FBH1: variants seen among roughly 807,000 people sequenced by gnomAD.
FBH1 encodes the protein DNA 3'-5' helicase 1.
Under a neutral mutation model 115.5 loss-of-function variants are expected in FBH1, and 43 were observed. That is an observed-to-expected ratio of 0.37 (90% confidence interval 0.29 to 0.48). The LOEUF is 0.48. Ranked by LOEUF, FBH1 falls within the 20% of genes least tolerant of loss-of-function variation. FBH1 has a pLI of 0.99. For missense variants in FBH1, 1,001 were observed against 1,337.3 expected (o/e 0.75, Z 3.92); for synonymous variants, 524 against 507.8 (o/e 1.03, Z -0.43).
In FBH1 at chr10:5,936,766, C is replaced by T. The variant is rs967001156; in HGVS notation, c.2961+179C>T. On this transcript the variant is annotated intron_variant, in intron 20 of 20. Coordinates refer to ENST00000362091, the MANE Select transcript of FBH1 (RefSeq NM_178150.3). This position sits in a 1 kb window ranked among gnomAD's most constrained non-coding sequence, Gnocchi z 5.6. Reference sequence around the variant, plus strand: ...TGTCCCAGGGTCAGAGGTCAGGGCACGTGATGCTGCCTGGCTGTGCTGAAG... The same window carrying T: ...TGTCCCAGGGTCAGAGGTCAGGGCATGTGATGCTGCCTGGCTGTGCTGAAG... 1.9e-5 allele frequency: 15 copies of T among 772,538 alleles called. No homozygotes were observed. The highest frequency in any genetic ancestry group is 1.1e-4 in the Admixed American group (4 of 35,772). The allele number at this position is 772,538 out of a possible 1,614,324, so 47.9% of individuals were successfully genotyped here.
chr10:5,926,120 T>C (rs1832636998), intron 18 of FBH1, among the ~76,000 whole-genome samples: 1 of 68,224 alleles, frequency 1.5e-5, no homozygotes, highest in Non-Finnish European at 3.9e-5. Flanking sequence ...CTTATTCTTC[T>C]TATTATTATT....
intron 3 of FBH1, among the ~76,000 whole-genome samples, chr10:5,908,487 A>G (rs571781394): frequency 2.0e-5 from 3 of 152,226 alleles, no homozygotes; most frequent in African/African-American, 4.8e-5. Context: ...CTAGTTTCCA[A>G]CAAAAATTTG....
At chr10:5,927,339 A>C in intron 18 of FBH1, 96 bp from the exon 19 acceptor site, 7 of 800,114 alleles carry the variant, frequency 8.7e-6, no homozygotes, top group Non-Finnish European at 9.6e-6. Context: ...TCTGCGGGGA[A>C]TGGGTGGGGG....
Position 5,932,553 on chromosome 10 carries a change from G to A in FBH1, c.2830-3903G>A, listed in dbSNP as rs960870421. The stretch of plus-strand genomic sequence containing the variant: ...ACGCACTGTGATTTATGCCGTTCTC[G>A]CTCATGGACGTGGTCACTTCCAGCC... On this transcript the variant is annotated intron_variant, in intron 19 of 20. Coordinates refer to ENST00000362091, the MANE Select transcript of FBH1 (RefSeq NM_178150.3). The surrounding 1 kb of genome is among the most constrained non-coding windows in gnomAD (Gnocchi z 5.9). 1.3e-5 allele frequency among the ~76,000 whole-genome samples: 2 copies of A among 152,122 alleles called. 1 individual carries two copies. Among genetic ancestry groups the A allele is most frequent in the East Asian group, 3.9e-4 (2 of 5,186 alleles).
chr10:5,906,328 A>G lies in FBH1; in HGVS notation c.449A>G (p.His150Arg), dbSNP rs1843688632. 3 of 1,614,236 alleles carry G rather than the reference A, an allele frequency of 1.9e-6. No individual in the cohort carries two copies. The highest frequency in any genetic ancestry group is 2.5e-6 in the Non-Finnish European group (3 of 1,180,024). The part of the protein sequence containing the change: ...WDGVSKKAPR[H>R]HLSVPCTRPR... ...GGAGTTTCTAAGAAAGCTCCACGGC[A>G]CCATTTGTCTGTGCCATGCACAAGG... The change falls in exon 3 of 21, where the codon CAC (histidine) becomes CGC (arginine). Residue 150 changes from histidine (H) to arginine (R), a missense_variant. By Grantham distance (29) the His-to-Arg change is conservative. Around this residue, in one of 4 missense-constraint regions of FBH1, gnomAD observed 420 missense variants for 430.4 expected, o/e 0.98. Transcript: ENST00000362091. The surrounding 1 kb of genome is among the most constrained non-coding windows in gnomAD (Gnocchi z 7.3).
At chr10:5,890,232 TCGGGCTCCAGGTCC>T (rs1842614515) in exon 1 of FBH1, 1 of 355,812 alleles carries the variant, frequency 2.8e-6, no homozygotes, top group Non-Finnish European at 5.3e-6. Flanking sequence ...GGCGGGCGTC[TCGGGCTCCAGGTCC>T]CGGCCAGAGG....
rs1832724202 is a variant in FBH1, at chr10:5,927,503, A to G, written c.2791A>G (p.Met931Val). The change falls in exon 19 of 21, where the codon ATG (methionine) becomes GTG (valine). Residue 931 changes from methionine (M) to valine (V), a missense_variant. Coordinates refer to ENST00000362091, the MANE Select transcript of FBH1 (RefSeq NM_178150.3). ...AACTCGAGCCAAGAAGCGTCTCATC[A>G]TGACCAAATCATTGGAAAACATTTT... ...AVTRAKKRLI[M>V]TKSLENILTL... is the part of the protein sequence containing the mutation. The G allele has an allele frequency of 6.2e-7, 1 of 1,613,660 alleles. No individual in the cohort carries two copies. The highest frequency in any genetic ancestry group is 1.7e-5 in the Admixed American group (1 of 59,862).
chr10:5,916,473 C>T lies in FBH1; in HGVS notation c.1788+17C>T, dbSNP rs764166934. On this transcript the variant is annotated intron_variant, in intron 10 of 20. Coordinates refer to ENST00000362091, the MANE Select transcript of FBH1 (RefSeq NM_178150.3). ...GAAAAACTGGTGAGTGTCTAAGTGTCTGAAGTGTTAGGGATCTGAGGATGG... is the reference window on the plus strand; with the variant it reads ...GAAAAACTGGTGAGTGTCTAAGTGTTTGAAGTGTTAGGGATCTGAGGATGG... The T allele has an allele frequency of 2.0e-6, 3 of 1,514,912 alleles. No individual in the cohort carries two copies. In the African/African-American group the frequency reaches 4.8e-5, roughly 24 times the overall value. The allele number at this position is 1,514,912 out of a possible 1,614,324, so 93.8% of individuals were successfully genotyped here.
In FBH1 at chr10:5,915,834, C is replaced by T. The variant is rs896818702; in HGVS notation, c.1565+263C>T. 3 of 509,952 alleles carry T rather than the reference C, an allele frequency of 5.9e-6. No homozygotes were observed. The highest frequency in any genetic ancestry group is 5.8e-5 in the African/African-American group (3 of 52,138). 31.6% of individuals were successfully genotyped at this position (509,952 alleles called of 1,614,324 possible). A position where few individuals can be genotyped will look rare whatever the true frequency, so the allele number is the denominator to read the frequency against. On this transcript the variant is annotated intron_variant, in intron 9 of 20. Coordinates refer to ENST00000362091, the MANE Select transcript of FBH1 (RefSeq NM_178150.3). The surrounding 1 kb of genome is among the most constrained non-coding windows in gnomAD (Gnocchi z 5.2). The stretch of plus-strand genomic sequence containing the variant: ...AGGCACAGAAAGTCAAAATGACTTG[C>T]TTAAAGTTCAGAGTCTCACAAATCC...
At chr10:5,907,985 G>C (rs991464774) in intron 3 of FBH1, among the ~76,000 whole-genome samples, 2 of 152,208 alleles carry the variant, frequency 1.3e-5, no homozygotes, top group Non-Finnish European at 2.9e-5. Context: ...ATATTTTGCT[G>C]TTGTTGGGTG....
Position 5,906,450 on chromosome 10 carries a change from C to T in FBH1, c.571C>T (p.Pro191Ser). 6.2e-7 allele frequency: 1 copy of T among 1,614,208 alleles called. No individual in the cohort carries two copies. The highest frequency in any genetic ancestry group is 8.5e-7 in the Non-Finnish European group (1 of 1,180,052). The change falls in exon 3 of 21, where the codon CCC (proline) becomes TCC (serine). Residue 191 changes from proline to serine, a missense_variant. This residue lies in a region of FBH1 where 420 missense variants were observed against 430.4 expected (regional missense o/e 0.98). Transcript: ENST00000362091. This position sits in a 1 kb window ranked among gnomAD's most constrained non-coding sequence, Gnocchi z 7.3. ...DQDAGDVGPD[P>S]IPDSYYGLLG... The stretch of plus-strand genomic sequence containing the variant: ...AGATGCTGGGGACGTGGGTCCTGAT[C>T]CCATTCCTGACTCATACTATGGGCT...
chr10:5,915,427 T>C lies in FBH1; in HGVS notation c.1421T>C (p.Val474Ala). ...GGCACTGGGAAGACCTCAACGCTGG[T>C]CAAGTATGCAGAGAAGTGGTCTCAG... The part of the protein sequence containing the change: ...FAGTGKTSTL[V>A]KYAEKWSQSR... Residue 474 changes from valine to alanine, a missense_variant, in exon 9 of 21, where the codon GTC becomes GCC. By Grantham distance (64) the Val-to-Ala change is moderately conservative. Coordinates refer to ENST00000362091, the MANE Select transcript of FBH1 (RefSeq NM_178150.3). This position sits in a 1 kb window ranked among gnomAD's most constrained non-coding sequence, Gnocchi z 5.2. The C allele has an allele frequency of 6.2e-7, 1 of 1,614,218 alleles. No homozygotes were observed. Among genetic ancestry groups the C allele is most frequent in the South Asian group, 1.1e-5 (1 of 91,080 alleles).
At chr10:5,899,699 T>G (rs760642892) in intron 1 of FBH1, among the ~76,000 whole-genome samples, 1 of 152,218 alleles carries the variant, frequency 6.6e-6, no homozygotes, top group Non-Finnish European at 1.5e-5. Context: ...TTTCGGGTGT[T>G]CTGGAAGCCA....
rs1292322011 is a variant in FBH1 at position 5,909,570 on chromosome 10, G to T, written c.1020+276G>T. ...TTCTCTGAAATATTTCTGAAAAGTG[G>T]TCATCTAGCCTCTGAACACTTTTAA... On this transcript the variant is annotated intron_variant, in intron 5 of 20. Transcript: ENST00000362091. The surrounding 1 kb of genome is among the most constrained non-coding windows in gnomAD (Gnocchi z 4.4). 4.9e-6 allele frequency: 2 copies of T among 411,720 alleles called. No individual in the cohort carries two copies. The highest frequency in any genetic ancestry group is 8.1e-5 in the East Asian group (2 of 24,646). 25.5% of individuals were successfully genotyped at this position (411,720 alleles called of 1,614,324 possible). A position where few individuals can be genotyped will look rare whatever the true frequency, so the allele number is the denominator to read the frequency against.
chr10:5,891,449 A>G (rs925786615), intron 1 of FBH1, among the ~76,000 whole-genome samples: 1 of 152,156 alleles, frequency 6.6e-6, no homozygotes, highest in African/African-American at 2.4e-5. Flanking sequence ...CTGCCGTTGA[A>G]GTTAGTGCAA....
chr10:5,915,599 G>A lies in FBH1; in HGVS notation c.1565+28G>A. 1 of 1,608,142 alleles carries A rather than the reference G, an allele frequency of 6.2e-7. No homozygotes were observed. Among genetic ancestry groups the A allele is most frequent in the Non-Finnish European group, 8.5e-7 (1 of 1,175,290 alleles). ...GAGTACTGCTGTCACTAGTGGCACT[G>A]TTGCTGCTGGCACGGTCGCGTCTTA... On this transcript the variant is annotated intron_variant, in intron 9 of 20. Transcript: ENST00000362091. The surrounding 1 kb of genome is among the most constrained non-coding windows in gnomAD (Gnocchi z 5.2).
At chr10:5,929,830 T>G (rs1832870152) in intron 19 of FBH1, 2 of 152,376 alleles carry the variant, frequency 1.3e-5, no homozygotes, top group Admixed American at 1.3e-4. Context: ...TTAAGCAGAA[T>G]AAATCATTAT....
chr10:5,891,295 C>T (rs1842710660), intron 1 of FBH1, among the ~76,000 whole-genome samples: 1 of 152,340 alleles, frequency 6.6e-6, no homozygotes, highest in Non-Finnish European at 1.5e-5. Context: ...TGTGGATAGC[C>T]TCTGGAGACA....
In FBH1 at chr10:5,897,687, TC is replaced by T. The variant is rs1461597172; in HGVS notation, c.2-5328del. Among the ~76,000 whole-genome samples, 4 of 151,932 alleles carry T rather than the reference TC, an allele frequency of 2.6e-5. No homozygotes were observed. The highest frequency in any genetic ancestry group is 4.4e-5 in the Non-Finnish European group (3 of 67,968). ...GCCAGATCACCAGTCTAAGCGCCCC[TC>T]CCCCGGTACCGAACCTCAGTTCCTC... On this transcript the variant is annotated intron_variant, in intron 1 of 20. Transcript: ENST00000362091. The surrounding 1 kb of genome is among the most constrained non-coding windows in gnomAD (Gnocchi z 4.7).
Sources: gnomAD v4.1 joint callset for allele counts (sites outside exome capture counted in the v4.1 genomes callset) on GRCh38, gnomAD v4.1.1 for gene constraint, gnomAD v4.1.1 regional missense constraint, Gnocchi (gnomAD v3.1) non-coding constraint, MANE v1.5 for transcripts, NCBI Gene and HGNC (gene_info 2026-07-23, HGNC 2026-07-21) for gene names.